MLIP: variants seen among roughly 807,000 people sequenced by gnomAD.
MLIP encodes muscular LMNA interacting protein, also known as muscular LMNA-interacting protein.
MLIP carries 79 observed loss-of-function variants against 84.8 expected under a neutral mutation model. The ratio of observed to expected loss-of-function variants is 0.93; its 90% CI spans 0.78 to 1.12. MLIP has a LOEUF of 1.12. Among genes scored for constraint, MLIP ranks in the 50% most tolerant of loss-of-function variants. The pLI, the probability that MLIP is intolerant of heterozygous loss-of-function variation, is 0.00. For missense variants in MLIP, 1,257 were observed against 1,160.6 expected, an observed-to-expected ratio of 1.08 and a Z score of -1.21; for synonymous variants, 504 against 463.0, an observed-to-expected ratio of 1.09 and a Z score of -1.14.
At chr6:54,180,574 T>G (rs1279985895) in intron 9 of MLIP, among the ~76,000 whole-genome samples, 2 of 152,246 alleles carry the variant, frequency 1.3e-5, no homozygotes, top group Admixed American at 1.3e-4. Flanking sequence ...TACCTGCCTT[T>G]GAGCTTATTA....
intron 11 of MLIP, among the ~76,000 whole-genome samples, chr6:54,208,120 T>G (rs1277521615): frequency 6.6e-6 from 1 of 151,960 alleles, no homozygotes; most frequent in Non-Finnish European, 1.5e-5. Context: ...AGAGCGAGAC[T>G]CCATCTCAAA....
rs1430459962 is a variant in MLIP at position 54,122,600 on chromosome 6, A to G, written c.252+998A>G. Among the ~76,000 whole-genome samples, 3 of 152,322 alleles carry G rather than the reference A, an allele frequency of 2.0e-5. No individual in the cohort carries two copies. In the Middle Eastern group the frequency reaches 0.01, roughly 518 times the overall value. On this transcript the variant is annotated intron_variant, in intron 2 of 13. Coordinates refer to ENST00000502396, the MANE Select transcript of MLIP (RefSeq NM_001281747.2). ...AAAACATCTTATCTAGAAAATAGTA[A>G]TATTTCCATGATCCTGGGGTTTTCA...
intron 9 of MLIP, among the ~76,000 whole-genome samples, chr6:54,188,405 A>C (rs1003221033): frequency 6.6e-6 from 1 of 152,028 alleles, no homozygotes; most frequent in Admixed American, 6.5e-5. Flanking sequence ...GCTGTCCAAA[A>C]ATATTTTTTA....
intron 1 of MLIP, among the ~76,000 whole-genome samples, chr6:54,022,218 C>A (rs1056751313): frequency 1.3e-5 from 2 of 152,214 alleles, no homozygotes; most frequent in Non-Finnish European, 2.9e-5. Flanking sequence ...CACTATACAA[C>A]ACATTTCCCC....
intron 8 of MLIP, among the ~76,000 whole-genome samples, chr6:54,166,319 G>T (rs1191873056): frequency 6.6e-6 from 1 of 151,836 alleles, no homozygotes; most frequent in Non-Finnish European, 1.5e-5. Context: ...TTGTGATGGG[G>T]ATGAATTTGA....
chr6:54,243,282 A>AG (rs1202393444), intron 12 of MLIP, among the ~76,000 whole-genome samples: 2 of 152,174 alleles, frequency 1.3e-5, no homozygotes, highest in African/African-American at 4.8e-5. Context: ...TTCCAGCTAG[A>AG]GGGGGCAGCA....
intron 1 of MLIP, among the ~76,000 whole-genome samples, chr6:54,038,273 G>A (rs2150296510): frequency 6.6e-6 from 1 of 152,004 alleles, no homozygotes. Context: ...TTCTTGAAAA[G>A]AGATTTTTAA....
intron 8 of MLIP, among the ~76,000 whole-genome samples, chr6:54,165,042 T>C (rs557824183): frequency 6.6e-6 from 1 of 152,122 alleles, no homozygotes; most frequent in South Asian, 2.1e-4. Context: ...TGTCTTATTA[T>C]GTTTCCATGG....
At chr6:54,083,659 AC>A in intron 1 of MLIP, 2 of 1,528,302 alleles carry the variant, frequency 1.3e-6, no homozygotes, top group Non-Finnish European at 1.8e-6. Flanking sequence ...TGATACTGTC[AC>A]CCTGTTATAC....
At chr6:54,074,473 G>A (rs758340935) in intron 1 of MLIP, among the ~76,000 whole-genome samples, 6 of 152,142 alleles carry the variant, frequency 3.9e-5, no homozygotes, top group Non-Finnish European at 7.4e-5. Flanking sequence ...TACAGTGCAA[G>A]TATCTTAGTT....
At chr6:54,103,152 T>G (rs1768775068) in intron 1 of MLIP, among the ~76,000 whole-genome samples, 1 of 152,090 alleles carries the variant, frequency 6.6e-6, no homozygotes. Context: ...TACTCCATTT[T>G]AAAAAGATAA....
chr6:54,115,203 T>C (rs1472372775), intron 1 of MLIP, among the ~76,000 whole-genome samples: 1 of 152,152 alleles, frequency 6.6e-6, no homozygotes, highest in Non-Finnish European at 1.5e-5. Flanking sequence ...CCCCCAGGCA[T>C]GTTTACCTTC....
At chr6:54,144,374 A>G (rs914224560) in intron 4 of MLIP, among the ~76,000 whole-genome samples, 15 of 152,198 alleles carry the variant, frequency 9.9e-5, no homozygotes, top group African/African-American at 3.1e-4. Flanking sequence ...TATTGTTTAT[A>G]TAACCCAAGT....
intron 1 of MLIP, among the ~76,000 whole-genome samples, chr6:54,049,179 C>A (rs1765239630): frequency 1.3e-5 from 2 of 152,182 alleles, no homozygotes; most frequent in South Asian, 4.2e-4. Flanking sequence ...TCAGCAAATA[C>A]CTAAAGCCCA....
intron 1 of MLIP, among the ~76,000 whole-genome samples, chr6:54,035,461 T>C (rs536231805): frequency 2.0e-5 from 3 of 152,264 alleles, no homozygotes; most frequent in African/African-American, 7.2e-5. Flanking sequence ...TGGGTTTTCA[T>C]TTCTCTGGGA....
At chr6:54,208,489 G>A (rs2150733688) in intron 11 of MLIP, among the ~76,000 whole-genome samples, 1 of 152,304 alleles carries the variant, frequency 6.6e-6, no homozygotes, top group Non-Finnish European at 1.5e-5. Context: ...AGGAGGCTGA[G>A]GCGGGAGGAT....
chr6:54,243,789 C>T (rs1458026257), intron 12 of MLIP, among the ~76,000 whole-genome samples: 2 of 152,254 alleles, frequency 1.3e-5, no homozygotes, highest in African/African-American at 2.4e-5. Flanking sequence ...TTTGGTCAAA[C>T]CCAGCACCAT....
rs539367546 is a variant in MLIP at position 54,176,494 on chromosome 6, A to G, written c.2544+6922A>G. Among the ~76,000 whole-genome samples, 5 of 151,852 alleles carry G rather than the reference A, an allele frequency of 3.3e-5. No individual in the cohort carries two copies. The South Asian group carries it at 8.3e-4, about 25-fold the overall frequency. On this transcript the variant is annotated intron_variant, in intron 9 of 13. Transcript: ENST00000502396. Reference sequence around the variant, plus strand: ...GTTGTATGTATCTAGGAATTTATCAATTTCCTCTAGATTTTCCAACATATT... The same window carrying G: ...GTTGTATGTATCTAGGAATTTATCAGTTTCCTCTAGATTTTCCAACATATT...
intron 9 of MLIP, among the ~76,000 whole-genome samples, chr6:54,173,796 T>C (rs937326421): frequency 3.3e-5 from 5 of 151,970 alleles, no homozygotes; most frequent in African/African-American, 1.2e-4. Context: ...TCAATTATTA[T>C]TGATTGTGCT....
Sources: gnomAD v4.1 joint callset for allele counts (sites outside exome capture counted in the v4.1 genomes callset) on GRCh38, gnomAD v4.1.1 for gene constraint, MANE v1.5 for transcripts, NCBI Gene and HGNC (gene_info 2026-07-23, HGNC 2026-07-21) for gene names.